Variants in FBXO42 observed in about 807,000 individuals in gnomAD.
FBXO42 encodes F-box protein 42.
Under a neutral mutation model 71.7 loss-of-function variants are expected in FBXO42, and 12 were observed. The ratio of observed to expected loss-of-function variants is 0.17; its 90% CI spans 0.11 to 0.27. The LOEUF (loss-of-function observed/expected upper bound fraction) is 0.27. Among genes scored for constraint, FBXO42 ranks in the 10% least tolerant of loss-of-function variants. FBXO42 has a pLI of 1.00. For synonymous variants in FBXO42, 325 were observed against 327.5 expected (o/e 0.99, Z 0.08); for missense variants, 707 against 911.9 (o/e 0.78, Z 2.89).
In FBXO42 at chr1:16,250,955, G is replaced by A. The variant is rs1443658365; in HGVS notation, c.1869C>T (p.His623=). 6.2e-7 allele frequency: 1 copy of A among 1,614,188 alleles called. No individual in the cohort carries two copies. Among genetic ancestry groups the A allele is most frequent in the Non-Finnish European group, 8.5e-7 (1 of 1,180,042 alleles). Residue 623 remains histidine, a synonymous_variant, in exon 10 of 10, where the codon CAC becomes CAT. Transcript: ENST00000375592. This position sits in a 1 kb window ranked among gnomAD's most constrained non-coding sequence, Gnocchi z 4.7. ...CAACATTTAGGGACTGTGGAGGGTGGTGGCCCAGGCGGCGAGCAATGGGAG... is the reference window on the plus strand; with the variant it reads ...CAACATTTAGGGACTGTGGAGGGTGATGGCCCAGGCGGCGAGCAATGGGAG... ...SLPPIARRLG[H]HPPQSLNVGK...
chr1:16,300,478 A>G (rs1396025411), intron 3 of FBXO42, among the ~76,000 whole-genome samples: 2 of 152,216 alleles, frequency 1.3e-5, no homozygotes. Context: ...CATTCAATAA[A>G]TGCTCACTAA....
At chr1:16,309,552 C>T (rs1205058150) in intron 2 of FBXO42, among the ~76,000 whole-genome samples, 3 of 152,002 alleles carry the variant, frequency 2.0e-5, no homozygotes, top group Non-Finnish European at 4.4e-5. Context: ...TCTAGAAGAC[C>T]TTGACTTTGG....
At chr1:16,309,384 T>A (rs1016350054) in intron 2 of FBXO42, among the ~76,000 whole-genome samples, 1 of 151,480 alleles carries the variant, frequency 6.6e-6, no homozygotes. Context: ...GCCAACCCCA[T>A]CTCTTAAAGA....
chr1:16,308,182 T>C (rs1335544697), intron 2 of FBXO42, among the ~76,000 whole-genome samples: 2 of 152,150 alleles, frequency 1.3e-5, no homozygotes, highest in African/African-American at 4.8e-5. Context: ...GGTCTCACTA[T>C]ATTGTCCAGA....
chr1:16,336,706 G>A (rs956030732), intron 1 of FBXO42, among the ~76,000 whole-genome samples: 27 of 151,862 alleles, frequency 1.8e-4, no homozygotes, highest in Non-Finnish European at 1.5e-5. Context: ...TGTCTGGGCT[G>A]GGTGCGGTGG....
chr1:16,341,706 C>T (rs909631909), intron 1 of FBXO42, among the ~76,000 whole-genome samples: 12 of 151,124 alleles, frequency 7.9e-5, no homozygotes, highest in African/African-American at 1.9e-4. Context: ...TGCGGTGGCT[C>T]ATGCCTGTAA....
intron 3 of FBXO42, among the ~76,000 whole-genome samples, chr1:16,298,024 G>A (rs997062277): frequency 2.0e-5 from 3 of 152,020 alleles, no homozygotes; most frequent in Non-Finnish European, 4.4e-5. Context: ...TCAGGAGTTC[G>A]AGTCCAGCCT....
intron 1 of FBXO42, among the ~76,000 whole-genome samples, chr1:16,331,621 G>C (rs1032659599): frequency 2.0e-5 from 3 of 150,494 alleles, no homozygotes; most frequent in Admixed American, 6.7e-5. Context: ...CCAGCCTGGT[G>C]GTGGGCACCT....
chr1:16,324,131 T>C (rs1029992790), intron 1 of FBXO42, among the ~76,000 whole-genome samples: 2 of 85,176 alleles, frequency 2.3e-5, no homozygotes, highest in Non-Finnish European at 6.7e-5. Context: ...TCAACTCAAA[T>C]GAAAAAGTTA....
chr1:16,255,678 C>T, intron 6 of FBXO42, 33 bp downstream of exon 6: 1 of 1,564,934 alleles, frequency 6.4e-7, no homozygotes, highest in Non-Finnish European at 8.8e-7. Flanking sequence ...TATTTACCTT[C>T]AGGCTCATAT....
At chr1:16,282,675 T>A (rs2081977146) in intron 4 of FBXO42, among the ~76,000 whole-genome samples, 1 of 151,680 alleles carries the variant, frequency 6.6e-6, no homozygotes, top group Non-Finnish European at 1.5e-5. Context: ...TAAGACCCCA[T>A]TTCCATTTTT....
chr1:16,282,767 G>A (rs528749636), intron 4 of FBXO42, among the ~76,000 whole-genome samples: 90 of 151,980 alleles, frequency 5.9e-4, no homozygotes, highest in African/African-American at 2.0e-3. Flanking sequence ...GATCACCTGA[G>A]GTCAGGAGTT....
At chr1:16,266,980 T>A (rs559252313) in intron 4 of FBXO42, among the ~76,000 whole-genome samples, 3 of 152,278 alleles carry the variant, frequency 2.0e-5, no homozygotes, top group Admixed American at 6.5e-5. Flanking sequence ...AGGCAATACT[T>A]CGTAAGGGCA....
Position 16,266,387 on chromosome 1 carries a change from G to A in FBXO42, c.503-9628C>T, listed in dbSNP as rs147033745. On this transcript the variant is annotated intron_variant, in intron 4 of 9. Transcript: ENST00000375592. The stretch of plus-strand genomic sequence containing the variant: ...GTAGTCCCCAGCTACTCAGGAGACT[G>A]AGGCGGGAGGATGGCTTAACCTCCT... Among the ~76,000 whole-genome samples, 3 of 152,294 alleles carry A rather than the reference G, an allele frequency of 2.0e-5. No homozygotes were observed. The East Asian group carries it at 5.8e-4, about 29-fold the overall frequency.
intron 1 of FBXO42, among the ~76,000 whole-genome samples, chr1:16,339,280 C>T (rs2082581009): frequency 6.6e-6 from 1 of 152,072 alleles, no homozygotes; most frequent in Non-Finnish European, 1.5e-5. Context: ...TACTTATCGA[C>T]ACAATGTCAC....
chr1:16,340,467 C>T (rs965629900), intron 1 of FBXO42, among the ~76,000 whole-genome samples: 1 of 151,800 alleles, frequency 6.6e-6, no homozygotes, highest in Admixed American at 6.6e-5. Context: ...ATTAAAGGCG[C>T]CCACCCCGCC....
At chr1:16,323,122 T>C (rs538417879) in intron 1 of FBXO42, among the ~76,000 whole-genome samples, 1 of 152,236 alleles carries the variant, frequency 6.6e-6, no homozygotes, top group South Asian at 2.1e-4. Context: ...ATTCAAAAGG[T>C]TAAAAAATGT....
At chr1:16,335,160 G>A (rs2082540974) in intron 1 of FBXO42, among the ~76,000 whole-genome samples, 1 of 151,850 alleles carries the variant, frequency 6.6e-6, no homozygotes, top group African/African-American at 2.4e-5. Flanking sequence ...CCAACATGGT[G>A]GCTTGTGTCT....
chr1:16,331,676 C>A lies in FBXO42; in HGVS notation c.-17-16241G>T, dbSNP rs756222101. 1.9e-3 allele frequency among the ~76,000 whole-genome samples: 291 copies of A among 151,628 alleles called. 1 individual carries two copies. The highest frequency in any genetic ancestry group is 6.8e-3 in the Middle Eastern group (2 of 294). The stretch of plus-strand genomic sequence containing the variant: ...GGCTGAGGCAGGATTTTCACTTGAA[C>A]TAGGGAGGCGGAGGTTTCAGTGAGC... On this transcript the variant is annotated intron_variant, in intron 1 of 9. Transcript: ENST00000375592.
Sources: gnomAD v4.1 joint callset for allele counts (sites outside exome capture counted in the v4.1 genomes callset) on GRCh38, gnomAD v4.1.1 for gene constraint, Gnocchi (gnomAD v3.1) non-coding constraint, MANE v1.5 for transcripts, NCBI Gene and HGNC (gene_info 2026-07-23, HGNC 2026-07-21) for gene names.